Variants in CROCC2 observed in about 807,000 individuals in gnomAD.
CROCC2 encodes the protein ciliary rootlet coiled-coil protein 2.
Under a neutral mutation model 177.6 loss-of-function variants are expected in CROCC2, and 163 were observed. The ratio of observed to expected loss-of-function variants is 0.92; its 90% CI spans 0.81 to 1.05. CROCC2 has a LOEUF of 1.05. Ranked by LOEUF, CROCC2 falls within the 50% of genes least tolerant of loss-of-function variation. The pLI, the probability that CROCC2 is intolerant of heterozygous loss-of-function variation, is 0.00. For synonymous variants in CROCC2, 904 were observed against 787.3 expected, an observed-to-expected ratio of 1.15 and a Z score of -2.48; for missense variants, 1,929 against 1,797.8, an observed-to-expected ratio of 1.07 and a Z score of -1.32.
At chr2:240,950,762 C>CCCATCCATCCATCCATCTCT in intron 18 of CROCC2, 1 of 477,130 alleles carries the variant, frequency 2.1e-6, no homozygotes, top group Non-Finnish European at 3.7e-6. Context: ...CACCCAGCTA[C>CCCATCCATCCATCCATCTCT]CCATCCATCC....
chr2:240,949,638 A>G lies in CROCC2; in HGVS notation c.2588A>G (p.Gln863Arg). Residue 863 changes from glutamine (Q) to arginine (R), a missense_variant, in exon 17 of 32, where the codon CAG (glutamine) becomes CGG (arginine). Around this residue, in one of 3 missense-constraint regions of CROCC2, gnomAD observed 1,397 missense variants for 1,239.9 expected, o/e 1.13. Transcript: ENST00000690015. The surrounding 1 kb of genome is among the most constrained non-coding windows in gnomAD (Gnocchi z 4.5). The stretch of plus-strand genomic sequence containing the variant: ...GTGGCACAGCAGGAGCGGGAGGCAC[A>G]GCGGGCCCTGGAGAGCCAGGCGTTG... Reference protein sequence around the residue: ...RQVAQQEREAQRALESQALAH... With the variant: ...RQVAQQEREARRALESQALAH... The G allele has an allele frequency of 6.5e-7, 1 of 1,550,110 alleles. No individual in the cohort carries two copies. The highest frequency in any genetic ancestry group is 8.7e-7 in the Non-Finnish European group (1 of 1,146,844).
At chr2:240,974,550 TGTAGAGATGG>T (rs2059746539) in intron 27 of CROCC2, among the ~76,000 whole-genome samples, 1 of 136,982 alleles carries the variant, frequency 7.3e-6, no homozygotes. Flanking sequence ...TTTTTTTTTT[TGTAGAGATGG>T]TGTTAAACCA....
chr2:240,935,758 G>A (rs1053361746), intron 14 of CROCC2, among the ~76,000 whole-genome samples, 170 bp downstream of exon 14: 3 of 149,606 alleles, frequency 2.0e-5, no homozygotes, highest in Non-Finnish European at 4.5e-5. Context: ...TGGGGGCAGG[G>A]GGAAGGTATG....
intron 18 of CROCC2, 68 bp downstream of exon 18, chr2:240,950,578 C>A: frequency 6.8e-7 from 1 of 1,476,762 alleles, no homozygotes; most frequent in African/African-American, 1.4e-5. Context: ...TGGCCCAGCA[C>A]AAGGGCTGCA....
chr2:240,949,761 G>T lies in CROCC2; in HGVS notation c.2652+59G>T. On this transcript the variant is annotated intron_variant, in intron 17 of 31. Coordinates refer to ENST00000690015, the MANE Select transcript of CROCC2 (RefSeq NM_001351305.2). This position sits in a 1 kb window ranked among gnomAD's most constrained non-coding sequence, Gnocchi z 4.5. ...AGAAGGCTACCAGGTCCCGGGGAAT[G>T]GCAGGCCCTTGGGAGGAGGGGGCCC... The T allele has an allele frequency of 6.8e-7, 1 of 1,476,226 alleles. No individual in the cohort carries two copies. The highest frequency in any genetic ancestry group is 1.3e-5 in the South Asian group (1 of 77,116). 91.4% of individuals were successfully genotyped at this position (1,476,226 alleles called of 1,614,324 possible).
At chr2:240,957,384 T>G (rs935718829) in intron 19 of CROCC2, 1 of 152,238 alleles carries the variant, frequency 6.6e-6, no homozygotes, top group Non-Finnish European at 1.5e-5. Flanking sequence ...GAATGTATGG[T>G]TCAGTGTGCA....
intron 1 of CROCC2, among the ~76,000 whole-genome samples, chr2:240,915,220 T>C (rs1359622621): frequency 6.6e-6 from 1 of 150,472 alleles, no homozygotes; most frequent in Non-Finnish European, 1.5e-5. Context: ...GGGGAAGGGG[T>C]GTAAGAGGAG....
chr2:240,971,000 C>T (rs930908716), intron 27 of CROCC2, among the ~76,000 whole-genome samples: 3 of 152,196 alleles, frequency 2.0e-5, no homozygotes, highest in African/African-American at 7.2e-5. Flanking sequence ...CTCATCCCAG[C>T]GTGGCGAGTC....
intron 10 of CROCC2, 133 bp downstream of exon 10, chr2:240,933,475 G>A: frequency 8.8e-7 from 1 of 1,132,814 alleles, no homozygotes; most frequent in Non-Finnish European, 1.2e-6. Context: ...CCTTCTAGCA[G>A]AGTTGTGTGA....
In CROCC2 at chr2:240,981,255, T is replaced by A. The variant is rs34684807; in HGVS notation, c.4402-1625T>A. ...GCTCAGTCTCTGGGGTAGGAGCCTC[T>A]GGAGCCCAGGCTCATCCCTGCTCAG... On this transcript the variant is annotated intron_variant, in intron 27 of 31. Coordinates refer to ENST00000690015, the MANE Select transcript of CROCC2 (RefSeq NM_001351305.2). Among the ~76,000 whole-genome samples the A allele has an allele frequency of 3.3e-3, 308 of 93,352 alleles. 1 individual carries two copies. The Middle Eastern group carries it at 0.06, about 18-fold the overall frequency. The allele number at this position is 93,352 out of a possible 152,430, so 61.2% of individuals were successfully genotyped here.
intron 12 of CROCC2, 92 bp downstream of exon 12, chr2:240,934,567 G>A: frequency 2.4e-6 from 3 of 1,274,398 alleles, no homozygotes; most frequent in Admixed American, 5.2e-5. Context: ...CCTCTCTCCT[G>A]CCTGCCGGGC....
At chr2:240,921,039 A>T (rs1274922826) in intron 3 of CROCC2, among the ~76,000 whole-genome samples, 1 of 152,214 alleles carries the variant, frequency 6.6e-6, no homozygotes, top group African/African-American at 2.4e-5. Context: ...GCTCAGAGCC[A>T]GCCAGTGATC....
In CROCC2 at chr2:240,918,924, G is replaced by A. The variant is rs564718048; in HGVS notation, c.229+48G>A. 286 of 654,710 alleles carry A rather than the reference G, an allele frequency of 4.4e-4. No individual in the cohort carries two copies. The highest frequency in any genetic ancestry group is 1.0e-3 in the African/African-American group (50 of 49,156). 40.6% of individuals were successfully genotyped at this position (654,710 alleles called of 1,614,324 possible). ...TGGGCCCGGGGCTGGCCAAGGTGAC[G>A]GCGTGGGGGACAGTCCTGGGCCCGG... On this transcript the variant is annotated intron_variant, in intron 2 of 31. Transcript: ENST00000690015. This position sits in a 1 kb window ranked among gnomAD's most constrained non-coding sequence, Gnocchi z 6.3.
Position 240,949,022 on chromosome 2 carries a change from C to G in CROCC2, c.2407C>G (p.Gln803Glu). ...GGAGAGCAGCCTCCTTGAGGCCCAA[C>G]AGCTGGCCACAAAGCTGCAGGAGCA... ...SLESSLLEAQQLATKLQEQLE... is the reference protein window; with the variant it reads ...SLESSLLEAQELATKLQEQLE... The change falls in exon 16 of 32, where the codon CAG becomes GAG. Residue 803 changes from glutamine (Q) to glutamate (E), a missense_variant. Transcript: ENST00000690015. The surrounding 1 kb of genome is among the most constrained non-coding windows in gnomAD (Gnocchi z 4.5). 6.5e-7 allele frequency: 1 copy of G among 1,550,076 alleles called. No individual in the cohort carries two copies. Among genetic ancestry groups the G allele is most frequent in the Non-Finnish European group, 8.7e-7 (1 of 1,146,892 alleles).
At chr2:240,987,650 T>G (rs1169201366) in intron 28 of CROCC2, among the ~76,000 whole-genome samples, 1 of 152,240 alleles carries the variant, frequency 6.6e-6, no homozygotes, top group African/African-American at 2.4e-5. Flanking sequence ...GTGCCAAGTG[T>G]GTGCACTGAG....
chr2:240,962,869 T>C (rs1393099786), intron 20 of CROCC2, among the ~76,000 whole-genome samples: 1 of 151,886 alleles, frequency 6.6e-6, no homozygotes, highest in Non-Finnish European at 1.5e-5. Context: ...GCTGCAACTG[T>C]CCTCCGGACC....
chr2:240,943,281 T>TTG (rs2059504232), intron 14 of CROCC2, among the ~76,000 whole-genome samples: 1 of 152,052 alleles, frequency 6.6e-6, no homozygotes, highest in African/African-American at 2.4e-5. Flanking sequence ...GTGCTGGGAT[T>TTG]TTGCGCTCAG....
At chr2:240,909,296 G>A (rs528808772) in intron 1 of CROCC2, among the ~76,000 whole-genome samples, 1 of 143,302 alleles carries the variant, frequency 7.0e-6, no homozygotes, top group African/African-American at 2.7e-5. Flanking sequence ...TCCACCTCGG[G>A]TGACCTCTAC....
intron 27 of CROCC2, among the ~76,000 whole-genome samples, chr2:240,974,316 C>T (rs1390818171): frequency 1.3e-5 from 2 of 148,246 alleles, no homozygotes; most frequent in Non-Finnish European, 3.0e-5. Context: ...GCTTTTATTT[C>T]TAGGAACACT....
Sources: gnomAD v4.1 joint callset for allele counts (sites outside exome capture counted in the v4.1 genomes callset) on GRCh38, gnomAD v4.1.1 for gene constraint, gnomAD v4.1.1 regional missense constraint, Gnocchi (gnomAD v3.1) non-coding constraint, MANE v1.5 for transcripts, NCBI Gene and HGNC (gene_info 2026-07-23, HGNC 2026-07-21) for gene names.